The following CORO1C variants were observed in gnomAD, a reference collection of about 807,000 sequenced individuals.
CORO1C encodes the protein coronin-1C.
CORO1C carries 14 observed loss-of-function variants against 51.2 expected under a neutral mutation model. The observed-to-expected ratio is 0.27, with a 90% CI of 0.18 to 0.43. The LOEUF is 0.43. CORO1C is among the 20% of genes least tolerant of loss of function. The pLI is 1.00. For synonymous variants in CORO1C, 181 were observed against 210.5 expected (o/e 0.86, Z 1.21); for missense variants, 417 against 607.8 (o/e 0.69, Z 3.30).
At chr12:108,711,506 C>G (rs909171864) in intron 1 of CORO1C, among the ~76,000 whole-genome samples, 1 of 152,028 alleles carries the variant, frequency 6.6e-6, no homozygotes, top group African/African-American at 2.4e-5. Context: ...ATGGCAAAAC[C>G]CCATGTCTAC....
At chr12:108,663,836 T>A (rs529599680) in intron 3 of CORO1C, among the ~76,000 whole-genome samples, 6 of 152,336 alleles carry the variant, frequency 3.9e-5, no homozygotes, top group Non-Finnish European at 8.8e-5. Flanking sequence ...GTGAATTATA[T>A]CTCAATAAAA....
chr12:108,701,562 A>T lies in CORO1C; in HGVS notation c.-5-239T>A, dbSNP rs967204115. The T allele has an allele frequency of 5.5e-6, 3 of 544,756 alleles. No homozygotes were observed. The African/African-American group carries it at 5.7e-5, about 10-fold the overall frequency. 33.7% of individuals were successfully genotyped at this position (544,756 alleles called of 1,614,324 possible). A position where few individuals can be genotyped will look rare whatever the true frequency, so the allele number is the denominator to read the frequency against. ...AAAATTCCTAATTCAAGATCCAGAA[A>T]CAGCTCATCAGTTTTAATTTCAATG... On this transcript the variant is annotated intron_variant, in intron 1 of 10. Transcript: ENST00000261401.
At chr12:108,705,585 A>G (rs1446502908) in intron 1 of CORO1C, among the ~76,000 whole-genome samples, 2 of 152,102 alleles carry the variant, frequency 1.3e-5, no homozygotes, top group African/African-American at 4.8e-5. Context: ...AAATTTTCCA[A>G]AGATAGAGAA....
chr12:108,711,679 CA>C (rs766919638), intron 1 of CORO1C, among the ~76,000 whole-genome samples: 138 of 60,516 alleles, frequency 2.3e-3, no homozygotes, highest in Admixed American at 4.5e-3. Flanking sequence ...AACTCCGTCT[CA>C]AAAAAAAAAA....
chr12:108,712,444 G>C (rs1265513366), intron 1 of CORO1C, among the ~76,000 whole-genome samples: 2 of 151,616 alleles, frequency 1.3e-5, no homozygotes, highest in African/African-American at 4.9e-5. Flanking sequence ...CGTGGTTGCA[G>C]GTGCCTGTAA....
chr12:108,662,567 G>C (rs1272843484), intron 3 of CORO1C, among the ~76,000 whole-genome samples: 1 of 152,018 alleles, frequency 6.6e-6, no homozygotes, highest in Non-Finnish European at 1.5e-5. Flanking sequence ...TATTATTTGG[G>C]ATTTTATTCT....
intron 6 of CORO1C, among the ~76,000 whole-genome samples, chr12:108,655,571 G>A (rs540983600): frequency 2.7e-4 from 41 of 152,310 alleles, no homozygotes; most frequent in East Asian, 1.3e-3. Context: ...TGGTGGAGAC[G>A]GGGTTTCGCT....
intron 1 of CORO1C, among the ~76,000 whole-genome samples, chr12:108,708,484 T>C (rs2035090844): frequency 2.6e-5 from 4 of 151,128 alleles, no homozygotes; most frequent in South Asian, 4.2e-4. Flanking sequence ...TTTTCTGAGA[T>C]GGAGTCTTGC....
At chr12:108,679,283 A>C (rs1446085972) in intron 2 of CORO1C, among the ~76,000 whole-genome samples, 1 of 152,062 alleles carries the variant, frequency 6.6e-6, no homozygotes, top group African/African-American at 2.4e-5. Context: ...CCAGCCAGAC[A>C]ATCTAGTTAA....
intron 2 of CORO1C, among the ~76,000 whole-genome samples, chr12:108,687,562 A>G (rs999990408): frequency 6.6e-6 from 1 of 152,054 alleles, no homozygotes; most frequent in Non-Finnish European, 1.5e-5. Flanking sequence ...AGGCGGGCGG[A>G]TCACTTGAGG....
At chr12:108,648,533 C>A (rs1166268489) in intron 10 of CORO1C, 72 bp downstream of exon 10, 2 of 1,599,188 alleles carry the variant, frequency 1.3e-6, no homozygotes, top group African/African-American at 2.7e-5. Flanking sequence ...CGCCGACGCC[C>A]TGGACCACAA....
chr12:108,727,590 T>C (rs1230122827), intron 1 of CORO1C, among the ~76,000 whole-genome samples: 2 of 152,216 alleles, frequency 1.3e-5, no homozygotes, highest in African/African-American at 4.8e-5. Flanking sequence ...CCCTGATGAA[T>C]CCTTTTTCAT....
chr12:108,691,298 C>A (rs532795438), intron 2 of CORO1C, among the ~76,000 whole-genome samples: 1 of 152,136 alleles, frequency 6.6e-6, no homozygotes, highest in Non-Finnish European at 1.5e-5. Context: ...CCCTAATGGG[C>A]GAAGATATTC....
chr12:108,649,194 A>G (rs2032528046), intron 8 of CORO1C, 174 bp from the exon 9 acceptor site: 1 of 682,952 alleles, frequency 1.5e-6, no homozygotes, highest in Admixed American at 2.9e-5. Flanking sequence ...TTGACAGATG[A>G]GAGAACGGAA....
chr12:108,694,385 T>C (rs955514459), intron 2 of CORO1C, among the ~76,000 whole-genome samples: 2 of 151,762 alleles, frequency 1.3e-5, no homozygotes, highest in African/African-American at 4.8e-5. Context: ...TTTTCTAAAG[T>C]ACTGTGTTAA....
At chr12:108,647,847 C>G (rs1438651849) in intron 10 of CORO1C, among the ~76,000 whole-genome samples, 3 of 152,210 alleles carry the variant, frequency 2.0e-5, no homozygotes, top group African/African-American at 7.2e-5. Flanking sequence ...GCTCCTTCAA[C>G]AGTGTCCTAC....
rs923121511 is a variant in CORO1C, at chr12:108,683,352, G to A, written c.196-4958C>T. 3.3e-5 allele frequency among the ~76,000 whole-genome samples: 5 copies of A among 150,982 alleles called. No individual in the cohort carries two copies. In the South Asian group the frequency reaches 6.2e-4, roughly 19 times the overall value. On this transcript the variant is annotated intron_variant, in intron 2 of 10. Coordinates refer to ENST00000261401, the MANE Select transcript of CORO1C (RefSeq NM_014325.4). Reference sequence around the variant, plus strand: ...GAGAAGTGCTTGAACCTGAGAGGCAGAGGTTGCAGTGAGCTGAGATCGCAC... The same window carrying A: ...GAGAAGTGCTTGAACCTGAGAGGCAAAGGTTGCAGTGAGCTGAGATCGCAC...
At chr12:108,684,237 A>G (rs1341985434) in intron 2 of CORO1C, among the ~76,000 whole-genome samples, 1 of 152,242 alleles carries the variant, frequency 6.6e-6, no homozygotes, top group African/African-American at 2.4e-5. Flanking sequence ...AATTAAAACA[A>G]CATGGTCACA....
rs1311817190 is a variant in CORO1C at position 108,651,276 on chromosome 12, C to T, written c.1001+996G>A. Among the ~76,000 whole-genome samples, 7 of 152,292 alleles carry T rather than the reference C, an allele frequency of 4.6e-5. 1 individual carries two copies. The South Asian group carries it at 1.2e-3, about 27-fold the overall frequency. On this transcript the variant is annotated intron_variant, in intron 8 of 10. Transcript: ENST00000261401. Reference sequence around the variant, plus strand: ...CACAGTGTTACACAAATGTTTGGTACGACCTTATATGTGATGATGTAGTGC... The same window carrying T: ...CACAGTGTTACACAAATGTTTGGTATGACCTTATATGTGATGATGTAGTGC...
Sources: gnomAD v4.1 joint callset for allele counts (sites outside exome capture counted in the v4.1 genomes callset) on GRCh38, gnomAD v4.1.1 for gene constraint, MANE v1.5 for transcripts, NCBI Gene and HGNC (gene_info 2026-07-23, HGNC 2026-07-21) for gene names.